CPSF2: variants seen among roughly 807,000 people sequenced by gnomAD.
CPSF2 encodes the protein cleavage and polyadenylation specificity factor subunit 2.
A neutral mutation model predicts 84.2 loss-of-function variants in CPSF2; 51 were observed. That is an observed-to-expected ratio of 0.61 (90% CI 0.48 to 0.77). The LOEUF (loss-of-function observed/expected upper bound fraction) is 0.77, where lower values mean the gene tolerates loss of function less well. Ranked by LOEUF, CPSF2 falls within the 30% of genes least tolerant of loss-of-function variation. The pLI, the probability that CPSF2 is intolerant of heterozygous loss-of-function variation, is 0.00. For synonymous variants in CPSF2, 286 were observed against 311.9 expected (o/e 0.92, Z 0.87); for missense variants, 641 against 929.4 (o/e 0.69, Z 4.03).
rs1485676512 is a variant in CPSF2 at position 92,168,165 on chromosome 14, T to C, written c.*6421T>C. 1 of 148,066 alleles carries C rather than the reference T, an allele frequency of 6.8e-6. No homozygotes were observed. Among genetic ancestry groups the C allele is most frequent in the African/African-American group, 2.5e-5 (1 of 40,342 alleles). The allele number at this position is 148,066 out of a possible 1,614,324, so 9.2% of individuals were successfully genotyped here. ...TGGGAGGCTGAGGCAGTAGAATCGCTTGAACCCGGGATGCGGAAGTTGCAG... is the reference window on the plus strand; with the variant it reads ...TGGGAGGCTGAGGCAGTAGAATCGCCTGAACCCGGGATGCGGAAGTTGCAG... On this transcript the variant is annotated 3_prime_UTR_variant, in exon 16 of 16. Coordinates refer to ENST00000298875, the MANE Select transcript of CPSF2 (RefSeq NM_017437.3).
At chr14:92,139,290 G>T (rs1173150138) in intron 7 of CPSF2, among the ~76,000 whole-genome samples, 2 of 151,784 alleles carry the variant, frequency 1.3e-5, no homozygotes, top group African/African-American at 2.4e-5. Context: ...GGTGGCGGGT[G>T]CATGTAATCC....
At chr14:92,126,382 A>C (rs2068845528) in intron 2 of CPSF2, among the ~76,000 whole-genome samples, 2 of 152,366 alleles carry the variant, frequency 1.3e-5, no homozygotes, top group African/African-American at 4.8e-5. Flanking sequence ...AGTAGAAAAG[A>C]GTTTCCCTTA....
chr14:92,155,433 T>TGG, intron 11 of CPSF2, 110 bp downstream of exon 11: 1 of 861,508 alleles, frequency 1.2e-6, no homozygotes, highest in South Asian at 1.6e-5. Flanking sequence ...GTCACATGTA[T>TGG]GGGGTTAGCT....
chr14:92,130,694 C>T (rs913738318), intron 2 of CPSF2, among the ~76,000 whole-genome samples: 29 of 152,042 alleles, frequency 1.9e-4, no homozygotes, highest in African/African-American at 7.0e-4. Context: ...TTCACTACCC[C>T]ACTAGGGAGC....
chr14:92,146,042 A>C (rs1160078377), intron 9 of CPSF2, among the ~76,000 whole-genome samples: 1 of 152,148 alleles, frequency 6.6e-6, no homozygotes, highest in Non-Finnish European at 1.5e-5. Flanking sequence ...TCAAGCCAAA[A>C]ATTTGGAAGT....
At chr14:92,145,619 A>C (rs1415372320) in intron 9 of CPSF2, among the ~76,000 whole-genome samples, 1 of 152,244 alleles carries the variant, frequency 6.6e-6, no homozygotes, top group African/African-American at 2.4e-5. Context: ...TCAGAAATAC[A>C]AGGTTAAAAG....
chr14:92,127,371 G>T (rs1213640982), intron 2 of CPSF2, among the ~76,000 whole-genome samples: 3 of 152,180 alleles, frequency 2.0e-5, no homozygotes, highest in Non-Finnish European at 4.4e-5. Flanking sequence ...AGTGAAGAGA[G>T]AAGAAAATTT....
Position 92,143,109 on chromosome 14 carries a change from C to T in CPSF2, c.955C>T (p.Arg319Cys), listed in dbSNP as rs112871231. 6 of 1,613,934 alleles carry T rather than the reference C, an allele frequency of 3.7e-6. No individual in the cohort carries two copies. Among genetic ancestry groups the T allele is most frequent in the South Asian group, 1.1e-5 (1 of 91,090 alleles). ...SLCHGLSDLA[R>C]VPSPKVVLAS... ...ATGTCATGGTCTTTCTGACTTGGCC[C>T]GTGTACCTAGCCCTAAAGTTGTACT... Residue 319 changes from arginine to cysteine, a missense_variant, in exon 9 of 16, where the codon CGT becomes TGT. By Grantham distance (180) the Arg-to-Cys change is radical (BLOSUM62 -3). Around this residue, in one of 2 missense-constraint regions of CPSF2, gnomAD observed 211 missense variants for 375.7 expected, o/e 0.56. Coordinates refer to ENST00000298875, the MANE Select transcript of CPSF2 (RefSeq NM_017437.3).
chr14:92,154,992 G>A (rs957090728), intron 10 of CPSF2, 131 bp from the exon 11 acceptor site: 11 of 644,956 alleles, frequency 1.7e-5, no homozygotes, highest in South Asian at 4.4e-5. Flanking sequence ...GTTGTTGACC[G>A]ACATAACTGT....
At chr14:92,128,839 T>C (rs2068877837) in intron 2 of CPSF2, among the ~76,000 whole-genome samples, 1 of 152,176 alleles carries the variant, frequency 6.6e-6, no homozygotes, top group South Asian at 2.1e-4. Flanking sequence ...TGATAAGGTC[T>C]AGGGTGTAAT....
intron 7 of CPSF2, among the ~76,000 whole-genome samples, chr14:92,140,023 G>A (rs938208127): frequency 2.4e-5 from 3 of 126,564 alleles, no homozygotes; most frequent in Admixed American, 1.9e-4. Flanking sequence ...GCACAATCCC[G>A]GTTCACTGCA....
chr14:92,143,602 C>A (rs1224128418), intron 9 of CPSF2, among the ~76,000 whole-genome samples: 1 of 152,014 alleles, frequency 6.6e-6, no homozygotes, highest in African/African-American at 2.4e-5. Context: ...AGTTCCTTAA[C>A]TGGAGGTTCT....
At chr14:92,154,511 G>T in intron 10 of CPSF2, 53 bp downstream of exon 10, 1 of 1,246,496 alleles carries the variant, frequency 8.0e-7, no homozygotes, top group South Asian at 1.4e-5. Flanking sequence ...TGAGAAGAAT[G>T]TGTCCTTGAC....
At chr14:92,160,399 G>T (rs2141484221) in intron 14 of CPSF2, among the ~76,000 whole-genome samples, 1 of 152,264 alleles carries the variant, frequency 6.6e-6, no homozygotes, top group South Asian at 2.1e-4. Flanking sequence ...TAACTAGCAA[G>T]ATTCTAGGTA....
At position 92,156,543 on chromosome 14, in the gene CPSF2, G is replaced by A. The variant is rs1362154119; in HGVS notation, c.1507G>A (p.Gly503Ser). ...TEEEKSKLESGLTNGDEPMDQ... is the reference protein window; with the variant it reads ...TEEEKSKLESSLTNGDEPMDQ... ...AGAAGAAAAAAGCAAATTAGAATCTGGTTTGACAAATGGAGATGAACCTAT... is the reference window on the plus strand; with the variant it reads ...AGAAGAAAAAAGCAAATTAGAATCTAGTTTGACAAATGGAGATGAACCTAT... Residue 503 changes from glycine to serine, a missense_variant, in exon 12 of 16, where the codon GGT becomes AGT. Physicochemically the swap from Gly to Ser is moderately conservative, Grantham distance 56. Transcript: ENST00000298875. 3.1e-6 allele frequency: 5 copies of A among 1,612,914 alleles called. No homozygotes were observed. The South Asian group carries it at 5.5e-5, about 18-fold the overall frequency.
intron 8 of CPSF2, among the ~76,000 whole-genome samples, chr14:92,142,592 C>T (rs2141465936): frequency 6.6e-6 from 1 of 152,260 alleles, no homozygotes; most frequent in Admixed American, 6.5e-5. Context: ...CAAATTGCTT[C>T]CCTTCTAACT....
Position 92,161,710 on chromosome 14 carries a change from G to A in CPSF2, c.2315G>A (p.Arg772Lys). The A allele has an allele frequency of 6.3e-7, 1 of 1,594,962 alleles. No individual in the cohort carries two copies. Among genetic ancestry groups the A allele is most frequent in the Non-Finnish European group, 8.5e-7 (1 of 1,172,828 alleles). The change falls in exon 16 of 16, where the codon AGA becomes AAA. Residue 772 changes from arginine (R) to lysine (K), a missense_variant. Transcript: ENST00000298875. Reference sequence around the variant, plus strand: ...CTTTGTCAAGATTTTTATAGGATAAGAGACCTTTTATATGAACAATATGCC... The same window carrying A: ...CTTTGTCAAGATTTTTATAGGATAAAAGACCTTTTATATGAACAATATGCC... ...GCLCQDFYRI[R>K]DLLYEQYAIV is the part of the protein sequence containing the mutation.
Position 92,171,106 on chromosome 14 carries a change from A to G in CPSF2, c.*9362A>G, listed in dbSNP as rs2069511881. The G allele has an allele frequency of 6.6e-6, 1 of 152,118 alleles. No individual in the cohort carries two copies. The allele number at this position is 152,118 out of a possible 1,614,324, so 9.4% of individuals were successfully genotyped here. A position where few individuals can be genotyped will look rare whatever the true frequency, so the allele number is the denominator to read the frequency against. ...TTGATGATCCTTGTCTGGATCAGTTATTGCCAAATGGTAGTTTTCTTTTCT... is the reference window on the plus strand; with the variant it reads ...TTGATGATCCTTGTCTGGATCAGTTGTTGCCAAATGGTAGTTTTCTTTTCT... On this transcript the variant is annotated 3_prime_UTR_variant, in exon 16 of 16. Transcript: ENST00000298875.
rs1478126312 is a variant in CPSF2, at chr14:92,159,212, G to C, written c.2051G>C (p.Gly684Ala). ...CAAAAGGCCATGAAAAGTCTGTTCG[G>C]AGATGATGAAAAAGAAACAGGTGAA... ...AQQKAMKSLF[G>A]DDEKETGEES... The change falls in exon 14 of 16, where the codon GGA becomes GCA. Residue 684 changes from glycine (G) to alanine (A), a missense_variant. Gly to Ala is a moderately conservative substitution (Grantham distance 60, BLOSUM62 0). Around this residue, in one of 2 missense-constraint regions of CPSF2, gnomAD observed 430 missense variants for 553.6 expected, o/e 0.78. Transcript: ENST00000298875. 6.2e-7 allele frequency: 1 copy of C among 1,613,642 alleles called. No individual in the cohort carries two copies. The highest frequency in any genetic ancestry group is 1.3e-5 in the African/African-American group (1 of 74,836).
Sources: gnomAD v4.1 joint callset for allele counts (sites outside exome capture counted in the v4.1 genomes callset) on GRCh38, gnomAD v4.1.1 for gene constraint, gnomAD v4.1.1 regional missense constraint, MANE v1.5 for transcripts, NCBI Gene and HGNC (gene_info 2026-07-23, HGNC 2026-07-21) for gene names.